HAO2: variants seen among roughly 807,000 people sequenced by gnomAD.
HAO2 encodes the protein hydroxyacid oxidase 2.
HAO2 carries 42 observed loss-of-function variants against 37.4 expected under a neutral mutation model. The ratio of observed to expected loss-of-function variants is 1.12; its 90% CI spans 0.88 to 1.45. The LOEUF (loss-of-function observed/expected upper bound fraction) is 1.45, where lower values mean the gene tolerates loss of function less well. HAO2 is among the 40% of genes most tolerant of loss of function. HAO2 has a pLI of 0.00. For missense variants in HAO2, 476 were observed against 430.2 expected (o/e 1.11, Z -0.94); for synonymous variants, 180 against 162.8 (o/e 1.11, Z -0.81).
chr1:119,380,994 A>G, intron 1 of HAO2, 84 bp from the exon 2 acceptor site: 5 of 1,174,156 alleles, frequency 4.3e-6, no homozygotes, highest in Non-Finnish European at 6.3e-6. Flanking sequence ...AAACAATTTC[A>G]TACTGCAGCT....
chr1:119,373,243 G>A (rs1220483804), intron 1 of HAO2, among the ~76,000 whole-genome samples: 1 of 152,152 alleles, frequency 6.6e-6, no homozygotes, highest in Non-Finnish European at 1.5e-5. Flanking sequence ...TAGAGGTGAA[G>A]GTGGAATGAT....
Position 119,383,016 on chromosome 1 carries a change from C to T in HAO2, c.233C>T (p.Thr78Ile). The T allele has an allele frequency of 6.2e-7, 1 of 1,613,096 alleles. No homozygotes were observed. Among genetic ancestry groups the T allele is most frequent in the Non-Finnish European group, 8.5e-7 (1 of 1,179,322 alleles). ...AGTGCCCCTATTTGTATCGCACCCACAGGGTTCCACTGCCTTGTCTGGCCT... is the reference window on the plus strand; with the variant it reads ...AGTGCCCCTATTTGTATCGCACCCATAGGGTTCCACTGCCTTGTCTGGCCT... ...EISAPICIAP[T>I]GFHCLVWPDG... The change falls in exon 3 of 8, where the codon ACA (threonine) becomes ATA (isoleucine). Residue 78 changes from threonine to isoleucine, a missense_variant. Physicochemically the swap from Thr to Ile is moderately conservative, Grantham distance 89. Coordinates refer to ENST00000325945, the MANE Select transcript of HAO2 (RefSeq NM_016527.4).
At chr1:119,382,877 A>G (rs771946639) in intron 2 of HAO2, 38 bp from the exon 3 acceptor site, 4 of 1,598,846 alleles carry the variant, frequency 2.5e-6, no homozygotes, top group Admixed American at 1.7e-5. Flanking sequence ...CTGCAGAATC[A>G]TCTCACCAAC....
At chr1:119,385,761 C>A (rs1411537262) in intron 4 of HAO2, 1 of 985,154 alleles carries the variant, frequency 1.0e-6, no homozygotes, top group East Asian at 1.1e-4. Flanking sequence ...CAGTGGGCAA[C>A]TGTGACACCA....
chr1:119,370,897 G>A (rs1003152389), intron 1 of HAO2, among the ~76,000 whole-genome samples: 1 of 152,182 alleles, frequency 6.6e-6, no homozygotes, highest in African/African-American at 2.4e-5. Context: ...TTGCCACTGT[G>A]AGATATAGGT....
intron 1 of HAO2, chr1:119,380,433 A>G: frequency 9.0e-6 from 4 of 442,054 alleles, no homozygotes; most frequent in Non-Finnish European, 1.6e-5. Flanking sequence ...ATTAAGCAAC[A>G]TGTTCAGCGA....
chr1:119,379,909 C>T (rs1427472695), intron 1 of HAO2, among the ~76,000 whole-genome samples: 2 of 152,160 alleles, frequency 1.3e-5, no homozygotes, highest in Non-Finnish European at 2.9e-5. Flanking sequence ...AGATTCCCAG[C>T]ACCTCACATC....
At chr1:119,370,216 T>A (rs10802090) in intron 1 of HAO2, 1 of 152,072 alleles carries the variant, frequency 6.6e-6, no homozygotes, top group Non-Finnish European at 1.5e-5. Context: ...CCAGAAGAAC[T>A]AGTCACAGAG....
Position 119,384,903 on chromosome 1 carries a change from G to A in HAO2, c.411G>A (p.Leu137=). ...FQLYVHPDLQ[L]NKQLIQRVES... is the part of the protein sequence containing the mutation. ...TCTATGTGCATCCAGACCTGCAGCT[G>A]AACAAACAGTTGATCCAGAGGGTAG... The change falls in exon 4 of 8, where the codon CTG becomes CTA. Residue 137 remains leucine (L), a synonymous_variant. Transcript: ENST00000325945. 6.2e-7 allele frequency: 1 copy of A among 1,613,996 alleles called. No homozygotes were observed. The highest frequency in any genetic ancestry group is 1.1e-5 in the South Asian group (1 of 91,066).
chr1:119,370,902 A>G (rs1009747368), intron 1 of HAO2, among the ~76,000 whole-genome samples: 6 of 152,156 alleles, frequency 3.9e-5, no homozygotes. Flanking sequence ...ACTGTGAGAT[A>G]TAGGTACACC....
chr1:119,370,936 G>C (rs1648943384), intron 1 of HAO2, among the ~76,000 whole-genome samples: 1 of 152,204 alleles, frequency 6.6e-6, no homozygotes, highest in Non-Finnish European at 1.5e-5. Flanking sequence ...GTCACTAGTG[G>C]ACAGAGTAGA....
At chr1:119,373,971 T>C (rs905408535) in intron 1 of HAO2, among the ~76,000 whole-genome samples, 1 of 152,194 alleles carries the variant, frequency 6.6e-6, no homozygotes, top group Admixed American at 6.5e-5. Flanking sequence ...CAGAGCTGAT[T>C]CTGGGCTGAC....
intron 1 of HAO2, among the ~76,000 whole-genome samples, chr1:119,378,670 G>A (rs1270386893): frequency 6.6e-6 from 1 of 152,148 alleles, no homozygotes; most frequent in Non-Finnish European, 1.5e-5. Context: ...CACTATTCTA[G>A]ACACATGACT....
chr1:119,384,143 C>T (rs1360813286), intron 3 of HAO2, among the ~76,000 whole-genome samples: 3 of 152,144 alleles, frequency 2.0e-5, no homozygotes, highest in African/African-American at 4.8e-5. Flanking sequence ...GCCATATGAA[C>T]GTCATCACCA....
intron 1 of HAO2, among the ~76,000 whole-genome samples, chr1:119,376,687 C>A (rs1344767777): frequency 6.6e-6 from 1 of 152,220 alleles, no homozygotes; most frequent in African/African-American, 2.4e-5. Context: ...GAAATCTAGG[C>A]AGAACTTCCC....
chr1:119,381,685 G>C lies in HAO2; in HGVS notation c.131+469G>C, dbSNP rs900273785. On this transcript the variant is annotated intron_variant, in intron 2 of 7. Coordinates refer to ENST00000325945, the MANE Select transcript of HAO2 (RefSeq NM_016527.4). The stretch of plus-strand genomic sequence containing the variant: ...AGGGGAGAAGAGTTGGTCTGAAAAA[G>C]TAGGAGATGGAGCATCGGTCAACCA... Among the ~76,000 whole-genome samples, 6 of 152,198 alleles carry C rather than the reference G, an allele frequency of 3.9e-5. 1 individual carries two copies. Among genetic ancestry groups the C allele is most frequent in the Non-Finnish European group, 4.4e-5 (3 of 68,026 alleles).
rs1570784868 is a variant in HAO2 at position 119,386,618 on chromosome 1, A to G, written c.562-4A>G. ...GGACTAAGTTCCCTTTTTATTTCCT[A>G]TAGGGAAATGCAATACCTTATTTCC... On this transcript the variant is annotated splice_region_variant and splice_polypyrimidine_tract_variant and intron_variant, in intron 4 of 7. Coordinates refer to ENST00000325945, the MANE Select transcript of HAO2 (RefSeq NM_016527.4). 4 of 1,568,826 alleles carry G rather than the reference A, an allele frequency of 2.5e-6. No homozygotes were observed. Among genetic ancestry groups the G allele is most frequent in the Non-Finnish European group, 3.5e-6 (4 of 1,138,906 alleles).
At chr1:119,385,812 C>T (rs1650337662) in intron 4 of HAO2, 1 of 985,250 alleles carries the variant, frequency 1.0e-6, no homozygotes, top group African/African-American at 1.7e-5. Context: ...ACAGATTGGC[C>T]TTGAGGTGCT....
chr1:119,371,809 CGTT>C (rs1649043230), intron 1 of HAO2, among the ~76,000 whole-genome samples: 1 of 152,144 alleles, frequency 6.6e-6, no homozygotes, highest in Non-Finnish European at 1.5e-5. Flanking sequence ...ATATTATTGT[CGTT>C]ATTATTATTC....
Sources: gnomAD v4.1 joint callset for allele counts (sites outside exome capture counted in the v4.1 genomes callset) on GRCh38, gnomAD v4.1.1 for gene constraint, MANE v1.5 for transcripts, NCBI Gene and HGNC (gene_info 2026-07-23, HGNC 2026-07-21) for gene names.